The following VWA3B variants were observed in gnomAD, a reference collection of about 807,000 sequenced individuals.
The protein encoded by VWA3B is von Willebrand factor A domain containing 3B, also known as von Willebrand factor A domain-containing protein 3B.
Under a neutral mutation model 158.3 loss-of-function variants are expected in VWA3B, and 138 were observed. The ratio of observed to expected loss-of-function variants is 0.87; its 90% confidence interval spans 0.76 to 1.00. The LOEUF (loss-of-function observed/expected upper bound fraction) is 1.00, where lower values mean the gene tolerates loss of function less well. Among genes scored for constraint, VWA3B ranks in the 50% least tolerant of loss-of-function variants. The pLI is 0.00. For missense variants in VWA3B, 1,555 were observed against 1,565.1 expected (o/e 0.99, Z 0.11); for synonymous variants, 596 against 587.3 (o/e 1.01, Z -0.21).
chr2:98,318,243 A>T (rs571418307), downstream of VWA3B, among the ~76,000 whole-genome samples: 171 of 152,292 alleles, frequency 1.1e-3, no homozygotes, highest in Non-Finnish European at 1.9e-3. Flanking sequence ...AGAAATATAA[A>T]TTTTTTATTA....
chr2:98,271,488 C>A (rs1688199133), intron 22 of VWA3B, among the ~76,000 whole-genome samples: 1 of 152,098 alleles, frequency 6.6e-6, no homozygotes, highest in African/African-American at 2.4e-5. Flanking sequence ...TACATAGGTG[C>A]AATCAGAGTG....
chr2:98,267,052 T>C (rs567769684), intron 21 of VWA3B, among the ~76,000 whole-genome samples: 2 of 152,104 alleles, frequency 1.3e-5, no homozygotes, highest in Non-Finnish European at 2.9e-5. Context: ...TTCTCCTACC[T>C]GATTGCCCTG....
intron 26 of VWA3B, among the ~76,000 whole-genome samples, chr2:98,307,056 C>T (rs907113050): frequency 5.9e-5 from 9 of 152,186 alleles, no homozygotes; most frequent in African/African-American, 2.2e-4. Flanking sequence ...TCTGGTAGGT[C>T]CCTTCCTCAG....
intron 8 of VWA3B, among the ~76,000 whole-genome samples, chr2:98,167,033 G>C (rs944096761): frequency 1.3e-5 from 2 of 152,096 alleles, no homozygotes; most frequent in Non-Finnish European, 1.5e-5. Context: ...GCAAAGGCTG[G>C]GTCAGTTCAA....
intron 14 of VWA3B, among the ~76,000 whole-genome samples, chr2:98,222,520 G>C (rs997235027): frequency 2.0e-5 from 3 of 152,170 alleles, no homozygotes; most frequent in Non-Finnish European, 4.4e-5. Flanking sequence ...AGAGTGCGTT[G>C]GAAGAACAGG....
At chr2:98,290,805 C>T (rs1056178225) in intron 23 of VWA3B, 183 bp downstream of exon 23, 2 of 502,452 alleles carry the variant, frequency 4.0e-6, no homozygotes, top group Non-Finnish European at 7.0e-6. Flanking sequence ...CGTATTTGGG[C>T]CCCCCAAAAA....
chr2:98,303,628 G>A, intron 25 of VWA3B, 74 bp from the exon 26 acceptor site: 1 of 1,393,792 alleles, frequency 7.2e-7, no homozygotes. Context: ...AATGGGTTGA[G>A]CTAGAATAAA....
At chr2:98,196,861 C>G (rs1682091168) in intron 12 of VWA3B, among the ~76,000 whole-genome samples, 1 of 152,220 alleles carries the variant, frequency 6.6e-6, no homozygotes, top group Non-Finnish European at 1.5e-5. Flanking sequence ...TAATTTTAGA[C>G]TTACAAAAAA....
At chr2:98,293,194 A>G (rs1005914143) in intron 23 of VWA3B, among the ~76,000 whole-genome samples, 1 of 152,136 alleles carries the variant, frequency 6.6e-6, no homozygotes, top group African/African-American at 2.4e-5. Context: ...CACAACGGAA[A>G]TTTTTTTAAT....
chr2:98,110,788 C>T (rs1014011243), intron 2 of VWA3B, among the ~76,000 whole-genome samples: 1 of 152,224 alleles, frequency 6.6e-6, no homozygotes, highest in Non-Finnish European at 1.5e-5. Context: ...GTAACTCCAA[C>T]AATTCCCACG....
intron 21 of VWA3B, among the ~76,000 whole-genome samples, chr2:98,266,595 A>G (rs2105869656): frequency 7.0e-6 from 1 of 142,252 alleles, no homozygotes; most frequent in East Asian, 2.0e-4. Flanking sequence ...AGGCATTGGT[A>G]GCTTGATGGG....
chr2:98,226,391 C>A (rs1198468670), intron 14 of VWA3B, among the ~76,000 whole-genome samples: 2 of 152,194 alleles, frequency 1.3e-5, no homozygotes, highest in Non-Finnish European at 1.5e-5. Flanking sequence ...AAACCCCAAC[C>A]TAAACCTCAT....
chr2:98,159,584 T>C (rs1293219229), intron 7 of VWA3B, among the ~76,000 whole-genome samples: 2 of 152,034 alleles, frequency 1.3e-5, no homozygotes, highest in African/African-American at 2.4e-5. Flanking sequence ...AGGGCAGCAG[T>C]CATGCAAGGC....
the VWA3B span, among the ~76,000 whole-genome samples, chr2:98,324,320 A>G: frequency 6.6e-6 from 1 of 151,872 alleles, no homozygotes; most frequent in East Asian, 1.9e-4. Flanking sequence ...GCACCACCAC[A>G]CTCAGCTAAT....
chr2:98,288,722 C>T (rs777508735), intron 22 of VWA3B, among the ~76,000 whole-genome samples: 5 of 152,152 alleles, frequency 3.3e-5, no homozygotes, highest in Admixed American at 6.5e-5. Flanking sequence ...CTTTGTCTCC[C>T]AATCCTAATA....
rs766053426 is a variant in VWA3B at position 98,194,413 on chromosome 2, CA to C, written c.1659del (p.Val554LeufsTer25). 8.1e-6 allele frequency: 13 copies of C among 1,613,894 alleles called. No homozygotes were observed. In the East Asian group the frequency reaches 2.9e-4, roughly 36 times the overall value. On this transcript the variant is annotated frameshift_variant, in exon 12 of 28. Coordinates refer to ENST00000477737, the MANE Select transcript of VWA3B (RefSeq NM_144992.5). LOFTEE classifies it high-confidence loss of function. Reference sequence around the variant, plus strand: ...AACTTTGTGAAGTTTGATGGTCAAGCAGTTGCTTGGCGGGAACAACTTGCTG... The same window carrying C: ...AACTTTGTGAAGTTTGATGGTCAAGCGTTGCTTGGCGGGAACAACTTGCTG... The part of the protein sequence containing the change: ...KFNFVKFDGQ[A>X]VAWREQLAEV...
At chr2:98,243,600 C>T (rs1686215491) in intron 19 of VWA3B, among the ~76,000 whole-genome samples, 1 of 152,114 alleles carries the variant, frequency 6.6e-6, no homozygotes, top group African/African-American at 2.4e-5. Context: ...TTCCAAAGTG[C>T]TGGGATTACA....
intron 2 of VWA3B, among the ~76,000 whole-genome samples, chr2:98,095,982 G>A (rs1479700760): frequency 6.6e-6 from 1 of 152,146 alleles, no homozygotes; most frequent in Non-Finnish European, 1.5e-5. Flanking sequence ...ACTTGATAAT[G>A]GTGAATGATC....
chr2:98,211,924 C>T lies in VWA3B; in HGVS notation c.1738-6C>T. 1.2e-6 allele frequency: 2 copies of T among 1,610,080 alleles called. No individual in the cohort carries two copies. Among genetic ancestry groups the T allele is most frequent in the South Asian group, 2.2e-5 (2 of 90,556 alleles). On this transcript the variant is annotated splice_region_variant and splice_polypyrimidine_tract_variant and intron_variant, in intron 12 of 27. Coordinates refer to ENST00000477737, the MANE Select transcript of VWA3B (RefSeq NM_144992.5). ...AGTGTGTCCTTGGTGTCTCTTTTTT[C>T]CGTAGATTGGAAGCTCCACAAACAC...
Sources: allele counts gnomAD v4.1 joint callset (sites outside exome capture counted in the v4.1 genomes callset), GRCh38; gene constraint gnomAD v4.1.1; transcripts MANE v1.5; gene names NCBI Gene and HGNC (gene_info 2026-07-23, HGNC 2026-07-21).